ADGRL2: variants seen among roughly 807,000 people sequenced by gnomAD.
ADGRL2 encodes the protein calcium-independent alpha-latrotoxin receptor 2.
In ADGRL2, 44 loss-of-function variants were observed where a neutral mutation model predicts 157.4. That is an observed-to-expected ratio of 0.28 (90% confidence interval 0.22 to 0.36). The LOEUF (loss-of-function observed/expected upper bound fraction) is 0.36, where lower values mean the gene tolerates loss of function less well. Ranked by LOEUF, ADGRL2 falls within the 10% of genes least tolerant of loss-of-function variation. ADGRL2 has a pLI of 1.00. For synonymous variants in ADGRL2, 585 were observed against 624.7 expected, an observed-to-expected ratio of 0.94 and a Z score of 0.95; for missense variants, 1,510 against 1,768.9, an observed-to-expected ratio of 0.85 and a Z score of 2.63.
Position 81,872,638 on chromosome 1 carries a change from C to A in ADGRL2, c.74-34379C>A, listed in dbSNP as rs79702926. ...TTCAGTTTGGCTGTTGTAATACTCA[C>A]ATGTCAGACTAAGTAGAAGGAGGCA... On this transcript the variant is annotated intron_variant, in intron 2 of 23. Transcript: ENST00000686636. 7.0e-3 allele frequency among the ~76,000 whole-genome samples: 1,072 copies of A among 152,106 alleles called. 9 individuals are homozygous for A. The highest frequency in any genetic ancestry group is 9.1e-3 in the Non-Finnish European group (619 of 67,966).
intron 2 of ADGRL2, among the ~76,000 whole-genome samples, chr1:81,790,378 C>A (rs1396543449): frequency 6.6e-6 from 1 of 152,138 alleles, no homozygotes; most frequent in Non-Finnish European, 1.5e-5. Context: ...ATAACACACA[C>A]ACACAAACAT....
chr1:81,815,270 C>G (rs1402469080), intron 1 of ADGRL2, among the ~76,000 whole-genome samples: 1 of 151,724 alleles, frequency 6.6e-6, no homozygotes. Context: ...TGTTAATACT[C>G]GTGTCAGAGG....
intron 2 of ADGRL2, among the ~76,000 whole-genome samples, chr1:81,452,617 G>C (rs2077722649): frequency 6.6e-6 from 1 of 152,162 alleles, no homozygotes; most frequent in Admixed American, 6.5e-5. Context: ...ACAAAAATAT[G>C]TTTCTTTAAA....
intron 3 of ADGRL2, among the ~76,000 whole-genome samples, chr1:81,632,844 GA>G (rs1369433485): frequency 6.6e-6 from 1 of 152,172 alleles, no homozygotes; most frequent in Non-Finnish European, 1.5e-5. Flanking sequence ...CCGGATTAGG[GA>G]CAGCCAGATC....
intron 17 of ADGRL2, among the ~76,000 whole-genome samples, chr1:81,974,735 C>G (rs1388347537): frequency 6.6e-6 from 1 of 151,482 alleles, no homozygotes; most frequent in African/African-American, 2.4e-5. Flanking sequence ...GGTTGATGAC[C>G]ATAAAACAAA....
intron 2 of ADGRL2, among the ~76,000 whole-genome samples, chr1:81,490,351 C>T (rs1016856573): frequency 2.0e-5 from 3 of 152,014 alleles, no homozygotes; most frequent in Non-Finnish European, 4.4e-5. Context: ...AGGCTGGTCT[C>T]GAGCTCCTGA....
Position 81,634,472 on chromosome 1 carries a change from C to T in ADGRL2, c.-143+53492C>T, listed in dbSNP as rs188579288. On this transcript the variant is annotated intron_variant, in intron 3 of 24. Coordinates refer to the ADGRL2 transcript ENST00000370721. ...AATTTATCTCCCTCCATGTTCCCCC[C>T]ACTATGCTCCAATTATGTTAGCTTT... Among the ~76,000 whole-genome samples the T allele has an allele frequency of 2.5e-3, 387 of 151,848 alleles. 3 individuals carry two copies. Among genetic ancestry groups the T allele is most frequent in the Middle Eastern group, 0.01 (3 of 292 alleles).
intron 18 of ADGRL2, chr1:81,980,890 AC>A: frequency 3.2e-6 from 2 of 623,810 alleles, no homozygotes. Flanking sequence ...TGTATTTTTT[AC>A]AAATTCGTCA....
intron 3 of ADGRL2, among the ~76,000 whole-genome samples, chr1:81,658,280 A>T (rs2082578441): frequency 6.6e-6 from 1 of 152,092 alleles, no homozygotes. Context: ...TTTTTAGTAG[A>T]GACTGGGTTT....
intron 21 of ADGRL2, among the ~76,000 whole-genome samples, chr1:81,986,036 T>C (rs768169290): frequency 7.9e-5 from 12 of 152,100 alleles, no homozygotes; most frequent in Non-Finnish European, 1.8e-4. Flanking sequence ...GACATTGTTC[T>C]AGTGAGATTC....
chr1:81,667,900 C>T (rs2082785169), intron 3 of ADGRL2, among the ~76,000 whole-genome samples: 1 of 151,942 alleles, frequency 6.6e-6, no homozygotes, highest in Non-Finnish European at 1.5e-5. Flanking sequence ...GATTTATGCA[C>T]CTCTGTTGTA....
chr1:81,604,301 G>A (rs909880755), intron 3 of ADGRL2, among the ~76,000 whole-genome samples: 2 of 152,114 alleles, frequency 1.3e-5, no homozygotes, highest in African/African-American at 2.4e-5. Flanking sequence ...ATATAGATGA[G>A]CTACTTTGGT....
intron 2 of ADGRL2, among the ~76,000 whole-genome samples, chr1:81,563,094 CCTGTGAATGTTAGA>C (rs2080480641): frequency 1.3e-5 from 2 of 152,064 alleles, no homozygotes; most frequent in African/African-American, 4.8e-5. Context: ...CTCAATATGA[CCTGTGAATGTTAGA>C]CTGTTTACAG....
rs572479299 is a variant in ADGRL2 at position 81,752,226 on chromosome 1, C to T, written c.-142-9585C>T. On this transcript the variant is annotated intron_variant, in intron 1 of 20. Transcript: ENST00000359929. ...AGCTATCTCTGTGAGGAAGTCCAAG[C>T]GGAAGGGCCCTTGCCAGACATTGAA... Among the ~76,000 whole-genome samples, 9 of 152,270 alleles carry T rather than the reference C, an allele frequency of 5.9e-5. No homozygotes were observed. The South Asian group carries it at 1.0e-3, about 18-fold the overall frequency.
At chr1:81,967,789 T>C (rs907437485) in intron 13 of ADGRL2, among the ~76,000 whole-genome samples, 2 of 152,218 alleles carry the variant, frequency 1.3e-5, no homozygotes, top group African/African-American at 4.8e-5. Context: ...GAAATTGTAA[T>C]TGTGTAAAAT....
At chr1:81,320,658 T>A (rs2100616647) in intron 1 of ADGRL2, among the ~76,000 whole-genome samples, 1 of 152,350 alleles carries the variant, frequency 6.6e-6, no homozygotes, top group Non-Finnish European at 1.5e-5. Flanking sequence ...GTAAGAAAGC[T>A]TCTTTTCTGA....
intron 1 of ADGRL2, among the ~76,000 whole-genome samples, chr1:81,313,669 ACT>A (rs1659910122): frequency 6.6e-6 from 1 of 152,068 alleles, no homozygotes; most frequent in Non-Finnish European, 1.5e-5. Flanking sequence ...TTCTAAGAGG[ACT>A]CTCCTTCTTA....
chr1:81,427,964 T>C (rs1318227066), intron 1 of ADGRL2, among the ~76,000 whole-genome samples: 1 of 152,204 alleles, frequency 6.6e-6, no homozygotes, highest in East Asian at 1.9e-4. Flanking sequence ...GTAACAGGAA[T>C]AAAAAATTAA....
At chr1:81,715,646 C>G (rs1435571091) in intron 1 of ADGRL2, among the ~76,000 whole-genome samples, 1 of 151,936 alleles carries the variant, frequency 6.6e-6, no homozygotes, top group Non-Finnish European at 1.5e-5. Context: ...CCTGGTACTC[C>G]CCACAAGCTT....
Sources: allele counts gnomAD v4.1 joint callset (sites outside exome capture counted in the v4.1 genomes callset), GRCh38; gene constraint gnomAD v4.1.1; transcripts MANE v1.5; gene names NCBI Gene and HGNC (gene_info 2026-07-23, HGNC 2026-07-21).